Variants in BRCA1 observed in about 807,000 individuals in gnomAD.
BRCA1 encodes the protein breast cancer type 1 susceptibility protein.
A neutral mutation model predicts 173.7 loss-of-function variants in BRCA1; 140 were observed. The observed-to-expected ratio is 0.81, with a 90% CI of 0.70 to 0.93. The LOEUF (loss-of-function observed/expected upper bound fraction) is 0.93. Ranked by LOEUF, BRCA1 falls within the 40% of genes least tolerant of loss-of-function variation. The pLI is 0.00. For missense variants in BRCA1, 1,983 were observed against 2,172.5 expected (o/e 0.91, Z 1.73); for synonymous variants, 662 against 756.0 (o/e 0.88, Z 2.04).
At position 43,108,705 on chromosome 17, in the gene BRCA1, T is replaced by TC. The variant is rs1257082229; in HGVS notation, c.135-2173dup. Among the ~76,000 whole-genome samples, 10 of 32,768 alleles carry TC rather than the reference T, an allele frequency of 3.1e-4. No homozygotes were observed. The South Asian group carries it at 0.016, about 51-fold the overall frequency. The allele number at this position is 32,768 out of a possible 152,430, so 21.5% of individuals were successfully genotyped here. On this transcript the variant is annotated intron_variant, in intron 3 of 22. Coordinates refer to ENST00000357654, the MANE Select transcript of BRCA1 (RefSeq NM_007294.4). ...CTGGGCAACAGAGGAAGACTCTGTC[T>TC]CAAAAAAAAAAAAAAAAAAAAAAAA...
intron 1 of BRCA1, chr17:43,162,736 G>A (rs1597947245): frequency 6.6e-6 from 1 of 152,196 alleles, no homozygotes; most frequent in South Asian, 2.1e-4. Flanking sequence ...TCCGCAATGA[G>A]TTTTCTCATG....
chr17:43,149,343 G>A (rs1195083654), intron 1 of BRCA1, among the ~76,000 whole-genome samples: 2 of 148,684 alleles, frequency 1.3e-5, no homozygotes, highest in East Asian at 4.0e-4. Flanking sequence ...CTTGTGATCC[G>A]CCCACCTTGG....
chr17:43,065,458 C>T (rs2052024801), intron 16 of BRCA1, among the ~76,000 whole-genome samples: 1 of 152,080 alleles, frequency 6.6e-6, no homozygotes, highest in South Asian at 2.1e-4. Flanking sequence ...CACCTGAGGT[C>T]GGGAGTCCAA....
At chr17:43,156,914 C>T (rs2056200950) in intron 1 of BRCA1, among the ~76,000 whole-genome samples, 1 of 152,150 alleles carries the variant, frequency 6.6e-6, no homozygotes, top group Non-Finnish European at 1.5e-5. Context: ...CTTCTAGGTC[C>T]TGATGAGAGT....
At chr17:43,127,450 TG>T (rs2055919792), upstream of BRCA1, among the ~76,000 whole-genome samples, 1 of 152,206 alleles carries the variant, frequency 6.6e-6, no homozygotes, top group South Asian at 2.1e-4. Context: ...CAGTGCTCTG[TG>T]TCTAGCTCAA....
rs1555593629 is a variant in BRCA1, at chr17:43,095,928, G to A, written c.594-6C>T. ...ACAATTCTTGATCTCCCACACTATA[G>A]GGAAAAGACAGAGTCCTAATAAGAA... is the stretch of plus-strand genomic sequence containing the variant. On this transcript the variant is annotated splice_polypyrimidine_tract_variant and splice_region_variant and intron_variant, in intron 8 of 22. Transcript: ENST00000357654. 5 of 1,607,412 alleles carry A rather than the reference G, an allele frequency of 3.1e-6. No individual in the cohort carries two copies. The highest frequency in any genetic ancestry group is 1.3e-5 in the African/African-American group (1 of 74,864).
At position 43,094,866 on chromosome 17, in the gene BRCA1, A is replaced by C. The variant is rs878854964; in HGVS notation, c.671-6T>G. Reference sequence around the variant, plus strand: ...CTCAGAAAATTCACAAGCAGCTGAAAATATACAAAAATAACAAGGTACTCA... The same window carrying C: ...CTCAGAAAATTCACAAGCAGCTGAACATATACAAAAATAACAAGGTACTCA... On this transcript the variant is annotated splice_region_variant and splice_polypyrimidine_tract_variant and intron_variant, in intron 9 of 22. Transcript: ENST00000357654. 1.2e-6 allele frequency: 2 copies of C among 1,601,940 alleles called. No homozygotes were observed. The highest frequency in any genetic ancestry group is 4.5e-5 in the East Asian group (2 of 44,456).
At chr17:43,055,008 C>T (rs567002905) in intron 19 of BRCA1, among the ~76,000 whole-genome samples, 1 of 152,260 alleles carries the variant, frequency 6.6e-6, no homozygotes, top group Admixed American at 6.5e-5. Flanking sequence ...CCTTGGGCTC[C>T]CAAAGTGCTG....
intron 1 of BRCA1, chr17:43,144,850 C>A: frequency 2.0e-6 from 1 of 497,222 alleles, no homozygotes; most frequent in Non-Finnish European, 3.9e-6. Flanking sequence ...GCGAGAGCAG[C>A]TCCGGTGGCG....
In BRCA1 at chr17:43,166,142, G is replaced by GTA. The variant is rs2056266230; in HGVS notation, c.-20+3983_-20+3984insTA. ...TGCCTCTTCCTCTCTCTCTGTGTGT[G>GTA]TGTGTGTGTGTGTCTCTCTCTCTCT... On this transcript the variant is annotated intron_variant, in intron 1 of 7. Transcript: ENST00000634433. The GTA allele has an allele frequency of 4.0e-5, 6 of 149,446 alleles. No individual in the cohort carries two copies. In the South Asian group the frequency reaches 1.3e-3, roughly 32 times the overall value. The allele number at this position is 149,446 out of a possible 1,614,324, so 9.3% of individuals were successfully genotyped here. A position where few individuals can be genotyped will look rare whatever the true frequency, so the allele number is the denominator to read the frequency against.
chr17:43,148,509 G>A (rs1463040951), intron 1 of BRCA1: 1 of 152,258 alleles, frequency 6.6e-6, no homozygotes, highest in Non-Finnish European at 1.5e-5. Flanking sequence ...GTAACAAGGT[G>A]CTTGGTGAGG....
Position 43,095,852 on chromosome 17 carries a change from T to C in BRCA1, c.664A>G (p.Lys222Glu). ...TRDEISLDSA[K>E]KAACEFSETD... ...TGGCAAACTTTGCCATTACCCTTTT[T>C]TGCAGAATCCAAACTGATTTCATCC... The change falls in exon 9 of 23, where the codon AAA (lysine) becomes GAA (glutamate). Residue 222 changes from lysine to glutamate, a missense_variant. Transcript: ENST00000357654. 6.2e-7 allele frequency: 1 copy of C among 1,613,350 alleles called. No homozygotes were observed.
intron 1 of BRCA1, among the ~76,000 whole-genome samples, chr17:43,139,603 C>T (rs1170831389): frequency 6.6e-6 from 1 of 152,142 alleles, no homozygotes; most frequent in Admixed American, 6.5e-5. Context: ...ATCCACCCAC[C>T]TCGGCCTCCC....
At chr17:43,137,912 C>T (rs1015267446) in intron 1 of BRCA1, among the ~76,000 whole-genome samples, 21 of 152,122 alleles carry the variant, frequency 1.4e-4, no homozygotes, top group African/African-American at 3.9e-4. Context: ...ATAGGCCGGG[C>T]GCGGTGTCTC....
intron 10 of BRCA1, 113 bp downstream of exon 10, chr17:43,091,322 G>A (rs773456796): frequency 1.5e-6 from 2 of 1,343,412 alleles, no homozygotes; most frequent in Non-Finnish European, 2.1e-6. Flanking sequence ...AGTTTAAGAA[G>A]CAGTTCCTTT....
chr17:43,110,644 T>G (rs2054994844), intron 3 of BRCA1: 2 of 367,050 alleles, frequency 5.4e-6, no homozygotes, highest in Admixed American at 6.6e-5. Flanking sequence ...ATTGCTCACA[T>G]TCTATCTCTT....
At chr17:43,143,034 G>T (rs1294932127) in intron 1 of BRCA1, among the ~76,000 whole-genome samples, 1 of 149,076 alleles carries the variant, frequency 6.7e-6, no homozygotes, top group African/African-American at 2.5e-5. Context: ...ATATATGTGT[G>T]TATATATATG....
chr17:43,077,625 C>T (rs189678812), intron 12 of BRCA1, among the ~76,000 whole-genome samples: 45 of 152,228 alleles, frequency 3.0e-4, no homozygotes, highest in African/African-American at 8.9e-4. Context: ...TGAGCCACTG[C>T]GCCCAGCCTA....
chr17:43,067,350 G>GT (rs1481629471), intron 16 of BRCA1: 2 of 374,396 alleles, frequency 5.3e-6, no homozygotes, highest in African/African-American at 4.3e-5. Context: ...CATCTCCCCG[G>GT]TTCAAGTGAT....
Sources: allele counts gnomAD v4.1 joint callset (sites outside exome capture counted in the v4.1 genomes callset), GRCh38; gene constraint gnomAD v4.1.1; transcripts MANE v1.5; gene names NCBI Gene and HGNC (gene_info 2026-07-23, HGNC 2026-07-21).